The following SOBP variants were observed in gnomAD, a reference collection of about 807,000 sequenced individuals.
The protein encoded by SOBP is sine oculis binding protein homolog.
A neutral mutation model predicts 53.6 loss-of-function variants in SOBP; 4 were observed. The ratio of observed to expected loss-of-function variants is 0.07; its 90% CI spans 0.04 to 0.17. SOBP has a LOEUF of 0.17. Ranked by LOEUF, SOBP falls within the 10% of genes least tolerant of loss-of-function variation. The pLI is 1.00. For missense variants in SOBP, 1,088 were observed against 1,204.7 expected, an observed-to-expected ratio of 0.90 and a Z score of 1.43; for synonymous variants, 584 against 522.6, an observed-to-expected ratio of 1.12 and a Z score of -1.60.
At chr6:107,610,227 C>T (rs996091055) in intron 5 of SOBP, among the ~76,000 whole-genome samples, 7 of 152,168 alleles carry the variant, frequency 4.6e-5, no homozygotes, top group Admixed American at 6.5e-5. Context: ...AGTGCTTATT[C>T]GGTCCAGAGC....
intron 5 of SOBP, among the ~76,000 whole-genome samples, chr6:107,618,452 C>T (rs1367312978): frequency 1.3e-5 from 2 of 152,090 alleles, no homozygotes; most frequent in Non-Finnish European, 2.9e-5. Flanking sequence ...GCTGAATTTG[C>T]GCAGAGGCCT....
chr6:107,587,909 C>T (rs1357878329), intron 5 of SOBP, among the ~76,000 whole-genome samples: 1 of 152,176 alleles, frequency 6.6e-6, no homozygotes, highest in African/African-American at 2.4e-5. Context: ...AATGCATTTT[C>T]TGTTTACCTA....
chr6:107,647,978 C>A (rs532123801), intron 6 of SOBP, among the ~76,000 whole-genome samples: 1 of 152,182 alleles, frequency 6.6e-6, no homozygotes. Flanking sequence ...ATAGCTCTTA[C>A]ATTTTGCAAT....
intron 4 of SOBP, among the ~76,000 whole-genome samples, chr6:107,585,410 A>G (rs1311202200): frequency 1.3e-5 from 2 of 152,222 alleles, no homozygotes; most frequent in Non-Finnish European, 2.9e-5. Flanking sequence ...GGGATTTAAA[A>G]TGTGACCCAT....
At chr6:107,597,437 C>A (rs1395115199) in intron 5 of SOBP, among the ~76,000 whole-genome samples, 1 of 151,960 alleles carries the variant, frequency 6.6e-6, no homozygotes, top group African/African-American at 2.4e-5. Context: ...TATTACATAG[C>A]TACCATATAA....
chr6:107,581,200 G>A (rs1042440316), intron 4 of SOBP, among the ~76,000 whole-genome samples: 4 of 152,284 alleles, frequency 2.6e-5, no homozygotes, highest in Middle Eastern at 3.4e-3. Flanking sequence ...GAAATACAGG[G>A]ACAGAGGGTG....
At chr6:107,628,478 A>G (rs762469056) in intron 5 of SOBP, among the ~76,000 whole-genome samples, 5 of 152,186 alleles carry the variant, frequency 3.3e-5, no homozygotes, top group African/African-American at 4.8e-5. Flanking sequence ...AAAGCAGTGG[A>G]TGAAAATCTC....
intron 5 of SOBP, among the ~76,000 whole-genome samples, chr6:107,609,021 C>T (rs1470228452): frequency 6.6e-6 from 1 of 152,110 alleles, no homozygotes; most frequent in Non-Finnish European, 1.5e-5. Flanking sequence ...CAAATATGTC[C>T]CCAGCTATTC....
In SOBP at chr6:107,658,658, G is replaced by A. The variant is rs1772173475; in HGVS notation, c.*455G>A. ...TGGTTTTGCTGCTACACTAAGAATT[G>A]TGATTTGCATTGTACGGTTTTGGAC... On this transcript the variant is annotated 3_prime_UTR_variant, in exon 7 of 7. Coordinates refer to ENST00000317357, the MANE Select transcript of SOBP (RefSeq NM_018013.4). The A allele has an allele frequency of 6.6e-6, 1 of 152,604 alleles. No individual in the cohort carries two copies. Among genetic ancestry groups the A allele is most frequent in the African/African-American group, 2.4e-5 (1 of 41,436 alleles). The allele number at this position is 152,604 out of a possible 1,614,324, so 9.5% of individuals were successfully genotyped here. A position where few individuals can be genotyped will look rare whatever the true frequency, so the allele number is the denominator to read the frequency against.
intron 1 of SOBP, among the ~76,000 whole-genome samples, chr6:107,494,224 A>C (rs567333576): frequency 1.1e-3 from 174 of 152,342 alleles, no homozygotes; most frequent in African/African-American, 4.0e-3. Context: ...ATGTTTCTAA[A>C]GTGAATGTTG....
chr6:107,491,589 C>G (rs1782582879), intron 1 of SOBP, among the ~76,000 whole-genome samples: 1 of 152,240 alleles, frequency 6.6e-6, no homozygotes, highest in South Asian at 2.1e-4. Context: ...CCCCCACCTC[C>G]TTATTTTCCA....
chr6:107,554,545 G>T (rs1784552683), intron 4 of SOBP, among the ~76,000 whole-genome samples: 1 of 152,178 alleles, frequency 6.6e-6, no homozygotes, highest in Admixed American at 6.5e-5. Context: ...GAAATTTCTA[G>T]ATGAAGGCAA....
At chr6:107,585,664 A>C (rs932177085) in intron 4 of SOBP, among the ~76,000 whole-genome samples, 5 of 152,242 alleles carry the variant, frequency 3.3e-5, no homozygotes, top group Non-Finnish European at 7.3e-5. Context: ...GTGAACCAAA[A>C]GAGAGCAATC....
chr6:107,558,362 G>A (rs1423900932), intron 4 of SOBP: 4 of 151,454 alleles, frequency 2.6e-5, no homozygotes, highest in African/African-American at 9.7e-5. Flanking sequence ...TCCGTCTCCT[G>A]GGTTCAAGCA....
At chr6:107,633,008 T>A (rs1770783326) in intron 5 of SOBP, among the ~76,000 whole-genome samples, 1 of 152,156 alleles carries the variant, frequency 6.6e-6, no homozygotes, top group Non-Finnish European at 1.5e-5. Context: ...CAGCGCTTTG[T>A]GTTATTGGTT....
At chr6:107,654,832 G>A (rs1195614991) in intron 6 of SOBP, among the ~76,000 whole-genome samples, 1 of 148,884 alleles carries the variant, frequency 6.7e-6, no homozygotes, top group African/African-American at 2.5e-5. Context: ...AGGGGAGGGT[G>A]GCTGAGGAAC....
intron 3 of SOBP, among the ~76,000 whole-genome samples, chr6:107,522,437 C>T (rs1052520727): frequency 1.3e-5 from 2 of 150,362 alleles, no homozygotes; most frequent in African/African-American, 4.9e-5. Flanking sequence ...TTGAGGGTAA[C>T]AAACTCCATG....
chr6:107,496,182 C>T (rs374243239), intron 1 of SOBP, among the ~76,000 whole-genome samples: 1 of 152,152 alleles, frequency 6.6e-6, no homozygotes. Flanking sequence ...GACTTTGGCA[C>T]AGACAGGAAA....
chr6:107,517,875 G>T (rs1257908911), intron 3 of SOBP, among the ~76,000 whole-genome samples: 1 of 152,118 alleles, frequency 6.6e-6, no homozygotes, highest in African/African-American at 2.4e-5. Context: ...ATACAATTAA[G>T]AATGTTTGCT....
Sources: gnomAD v4.1 joint callset for allele counts (sites outside exome capture counted in the v4.1 genomes callset) on GRCh38, gnomAD v4.1.1 for gene constraint, MANE v1.5 for transcripts, NCBI Gene and HGNC (gene_info 2026-07-23, HGNC 2026-07-21) for gene names.